NSMCE2: variants seen among roughly 807,000 people sequenced by gnomAD.
NSMCE2 encodes the protein NSE2 SUMO ligase component of SMC5/6 complex.
Under a neutral mutation model 23.8 loss-of-function variants are expected in NSMCE2, and 24 were observed. That is an observed-to-expected ratio of 1.01 (90% CI 0.73 to 1.42). NSMCE2 has a LOEUF of 1.42. NSMCE2 is among the 40% of genes most tolerant of loss of function. The pLI is 0.00. For synonymous variants in NSMCE2, 92 were observed against 94.1 expected, an observed-to-expected ratio of 0.98 and a Z score of 0.13; for missense variants, 284 against 296.5, an observed-to-expected ratio of 0.96 and a Z score of 0.31.
At chr8:125,118,883 T>C (rs1775750725) in intron 3 of NSMCE2, among the ~76,000 whole-genome samples, 1 of 152,252 alleles carries the variant, frequency 6.6e-6, no homozygotes, top group Non-Finnish European at 1.5e-5. Flanking sequence ...AAACATTTCA[T>C]ATGAATCATA....
At chr8:125,151,081 C>A in intron 3 of NSMCE2, 90 bp from the exon 4 acceptor site, 2 of 544,878 alleles carry the variant, frequency 3.7e-6, no homozygotes, top group South Asian at 3.3e-5. Flanking sequence ...TTATTTAGAC[C>A]ATTGACTGAT....
At chr8:125,281,730 C>T (rs1472479906) in intron 5 of NSMCE2, among the ~76,000 whole-genome samples, 7 of 151,248 alleles carry the variant, frequency 4.6e-5, no homozygotes, top group African/African-American at 9.7e-5. Flanking sequence ...CATGAGCCAC[C>T]GTGCACGGCC....
intron 5 of NSMCE2, among the ~76,000 whole-genome samples, chr8:125,195,545 A>T (rs1174646710): frequency 6.6e-6 from 1 of 152,188 alleles, no homozygotes; most frequent in Non-Finnish European, 1.5e-5. Flanking sequence ...AATGAACTTC[A>T]TTTACCCATA....
chr8:125,272,224 C>T (rs533817083), intron 5 of NSMCE2, among the ~76,000 whole-genome samples: 81 of 151,838 alleles, frequency 5.3e-4, no homozygotes, highest in African/African-American at 1.7e-3. Context: ...TTGTGTTAGC[C>T]AGGATGGTCT....
chr8:125,277,265 A>C (rs1256194073), intron 5 of NSMCE2, among the ~76,000 whole-genome samples: 1 of 151,864 alleles, frequency 6.6e-6, no homozygotes, highest in Non-Finnish European at 1.5e-5. Context: ...CCCTGTGCTC[A>C]CCCTGCATCA....
At position 125,124,553 on chromosome 8, in the gene NSMCE2, C is replaced by T. The variant is rs558769929; in HGVS notation, c.157+22066C>T. Among the ~76,000 whole-genome samples, 18 of 152,136 alleles carry T rather than the reference C, an allele frequency of 1.2e-4. 1 individual carries two copies. The South Asian group carries it at 3.7e-3, about 32-fold the overall frequency. On this transcript the variant is annotated intron_variant, in intron 3 of 7. Coordinates refer to ENST00000287437, the MANE Select transcript of NSMCE2 (RefSeq NM_173685.4). ...AAGTTCAGTGGGGTGATCAACAGCT[C>T]ACTGTAGCCTCAACCTTCTAGGCTC...
intron 5 of NSMCE2, among the ~76,000 whole-genome samples, chr8:125,256,922 C>CAAAAAAAAAAAAAAAAAAA (rs60308659): frequency 1.2e-4 from 3 of 26,056 alleles, no homozygotes; most frequent in African/African-American, 3.3e-4. Context: ...GACTCTGTGT[C>CAAAAAAAAAAAAAAAAAAA]AAAAAAAAAA....
intron 5 of NSMCE2, among the ~76,000 whole-genome samples, chr8:125,314,065 G>C (rs374688471): frequency 6.6e-6 from 1 of 152,198 alleles, no homozygotes; most frequent in Non-Finnish European, 1.5e-5. Context: ...AAATAGGATA[G>C]CAAACGTGCA....
chr8:125,112,494 C>CT (rs1305598955), intron 3 of NSMCE2, among the ~76,000 whole-genome samples: 1 of 152,100 alleles, frequency 6.6e-6, no homozygotes, highest in Non-Finnish European at 1.5e-5. Flanking sequence ...ACCTGAGTGT[C>CT]TATCAATGGA....
At chr8:125,299,041 A>G (rs540741207) in intron 5 of NSMCE2, among the ~76,000 whole-genome samples, 70 of 152,318 alleles carry the variant, frequency 4.6e-4, no homozygotes, top group Admixed American at 1.6e-3. Context: ...TGATGCTAGT[A>G]AAAAATAATG....
chr8:125,186,628 T>TTATA (rs1823120673), intron 5 of NSMCE2, among the ~76,000 whole-genome samples: 1 of 152,122 alleles, frequency 6.6e-6, no homozygotes, highest in African/African-American at 2.4e-5. Flanking sequence ...GAAACAAATG[T>TTATA]TATACAATGT....
Position 125,288,536 on chromosome 8 carries a change from C to A in NSMCE2, c.419-68683C>A, listed in dbSNP as rs1827984783. Reference sequence around the variant, plus strand: ...ACCAGGGATATTTCTCAAATCTGGCCTCTCTCTATGTCCTGGTCCTTTTTC... The same window carrying A: ...ACCAGGGATATTTCTCAAATCTGGCATCTCTCTATGTCCTGGTCCTTTTTC... On this transcript the variant is annotated intron_variant, in intron 5 of 7. Transcript: ENST00000287437. Among the ~76,000 whole-genome samples the A allele has an allele frequency of 1.3e-5, 2 of 152,114 alleles. 1 individual carries two copies. Among genetic ancestry groups the A allele is most frequent in the South Asian group, 4.1e-4 (2 of 4,826 alleles).
chr8:125,162,740 A>T (rs1280856866), intron 4 of NSMCE2, among the ~76,000 whole-genome samples: 1 of 152,324 alleles, frequency 6.6e-6, no homozygotes, highest in South Asian at 2.1e-4. Context: ...CACCTACCAC[A>T]GGCTGATTTA....
At chr8:125,359,004 C>A (rs1182335005) in intron 7 of NSMCE2, among the ~76,000 whole-genome samples, 1 of 152,048 alleles carries the variant, frequency 6.6e-6, no homozygotes, top group Non-Finnish European at 1.5e-5. Context: ...CGGTGGCTCA[C>A]ACCTGTAATT....
intron 5 of NSMCE2, among the ~76,000 whole-genome samples, chr8:125,191,409 G>GA (rs202132273): frequency 1.6e-3 from 234 of 149,068 alleles, no homozygotes; most frequent in African/African-American, 4.9e-3. Context: ...TCATTTCTTG[G>GA]AAAAAAAAAA....
At chr8:125,276,620 T>C (rs552692474) in intron 5 of NSMCE2, among the ~76,000 whole-genome samples, 17 of 151,972 alleles carry the variant, frequency 1.1e-4, no homozygotes, top group African/African-American at 4.1e-4. Context: ...AGTGTCTGAC[T>C]TATGGTAGAA....
At chr8:125,234,476 C>G (rs1331072057) in intron 5 of NSMCE2, among the ~76,000 whole-genome samples, 1 of 152,180 alleles carries the variant, frequency 6.6e-6, no homozygotes, top group East Asian at 1.9e-4. Flanking sequence ...CTTTCTTGCT[C>G]TGTAATACAT....
chr8:125,300,823 AG>A (rs1828532341), intron 5 of NSMCE2, among the ~76,000 whole-genome samples: 1 of 152,164 alleles, frequency 6.6e-6, no homozygotes, highest in South Asian at 2.1e-4. Context: ...TTCTGGGGAC[AG>A]GAGTACTGAG....
At chr8:125,196,365 C>A (rs1823619547) in intron 5 of NSMCE2, among the ~76,000 whole-genome samples, 1 of 152,062 alleles carries the variant, frequency 6.6e-6, no homozygotes, top group Non-Finnish European at 1.5e-5. Flanking sequence ...ACCCCTACTC[C>A]CTGACAAGCC....
Sources: gnomAD v4.1 joint callset for allele counts (sites outside exome capture counted in the v4.1 genomes callset) on GRCh38, gnomAD v4.1.1 for gene constraint, MANE v1.5 for transcripts, NCBI Gene and HGNC (gene_info 2026-07-23, HGNC 2026-07-21) for gene names.